Variants in ZNF100 observed in about 807,000 individuals in gnomAD.
The protein encoded by ZNF100 is zinc finger protein 100.
Under a neutral mutation model 15.8 loss-of-function variants are expected in ZNF100, and 12 were observed. That is an observed-to-expected ratio of 0.76 (90% CI 0.49 to 1.23). ZNF100 has a LOEUF of 1.23. Ranked by LOEUF, ZNF100 falls within the 50% of genes most tolerant of loss-of-function variation. The pLI is 0.00. For missense variants in ZNF100, 670 were observed against 635.6 expected (o/e 1.05, Z -0.58); for synonymous variants, 226 against 214.8 (o/e 1.05, Z -0.45).
Position 21,727,095 on chromosome 19 carries a change from C to T in ZNF100, c.1217G>A (p.Cys406Tyr). Reference protein sequence around the residue: ...TGEKFYKCEECGKGFNWSSAL... With the variant: ...TGEKFYKCEEYGKGFNWSSAL... ...TGAGGACCAGTTAAAGCCTTTGCCG[C>T]ATTCTTCACATTTGTAGAATTTCTC... The change falls in exon 5 of 5, where the codon TGC becomes TAC. Residue 406 changes from cysteine (C) to tyrosine (Y), a missense_variant. Coordinates refer to ENST00000358296, the MANE Select transcript of ZNF100 (RefSeq NM_173531.4). 6.2e-7 allele frequency: 1 copy of T among 1,613,540 alleles called. No homozygotes were observed. Among genetic ancestry groups the T allele is most frequent in the South Asian group, 1.1e-5 (1 of 91,048 alleles).
intron 4 of ZNF100, among the ~76,000 whole-genome samples, chr19:21,735,585 C>T (rs2035994905): frequency 6.6e-6 from 1 of 150,666 alleles, no homozygotes; most frequent in South Asian, 2.1e-4. Flanking sequence ...AGAGACCCAT[C>T]TCACATGCAA....
intron 2 of ZNF100, among the ~76,000 whole-genome samples, chr19:21,755,106 A>G (rs894537618): frequency 6.6e-5 from 10 of 152,156 alleles, no homozygotes; most frequent in Admixed American, 5.2e-4. Context: ...TGAGGTCGGG[A>G]GTTCAAGACC....
At chr19:21,740,505 G>A (rs1249432888) in intron 4 of ZNF100, among the ~76,000 whole-genome samples, 1 of 151,800 alleles carries the variant, frequency 6.6e-6, no homozygotes. Flanking sequence ...ACATTCAACT[G>A]TGTAAAAATG....
At chr19:21,764,689 G>A (rs968618209) in intron 2 of ZNF100, among the ~76,000 whole-genome samples, 3 of 150,724 alleles carry the variant, frequency 2.0e-5, no homozygotes, top group African/African-American at 4.9e-5. Context: ...GACAATAAAC[G>A]TATTACTTTA....
At chr19:21,760,014 C>T (rs1350730563) in intron 2 of ZNF100, among the ~76,000 whole-genome samples, 1 of 151,968 alleles carries the variant, frequency 6.6e-6, no homozygotes, top group African/African-American at 2.4e-5. Flanking sequence ...GAAACCCCAT[C>T]TCTACTAAAA....
chr19:21,744,870 C>T, intron 3 of ZNF100, 71 bp downstream of exon 3: 1 of 1,572,574 alleles, frequency 6.4e-7, no homozygotes, highest in South Asian at 1.2e-5. Flanking sequence ...CATGAATTAC[C>T]AAAAATCATT....
Position 21,744,995 on chromosome 19 carries a change from G to A in ZNF100, c.169C>T (p.Gln57Ter). 1 of 1,612,624 alleles carries A rather than the reference G, an allele frequency of 6.2e-7. No homozygotes were observed. Among genetic ancestry groups the A allele is most frequent in the Non-Finnish European group, 8.5e-7 (1 of 1,179,778 alleles). ...EEWQCLDSAQ[Q>*]GLYRKVMLEN... ...AACATCACTTTCCTATACAAACCCT[G>A]CTGAGCACTGTCCAGGCATTGCCAC... Residue 57 changes from glutamine (Q) to a stop codon, truncating the protein, a stop_gained, in exon 3 of 5, where the codon CAG becomes TAG. Coordinates refer to ENST00000358296, the MANE Select transcript of ZNF100 (RefSeq NM_173531.4). LOFTEE classifies it high-confidence loss of function.
At chr19:21,729,855 G>A (rs1380150546) in intron 4 of ZNF100, among the ~76,000 whole-genome samples, 4 of 151,848 alleles carry the variant, frequency 2.6e-5, no homozygotes, top group Non-Finnish European at 5.9e-5. Flanking sequence ...GAGGGGAGAA[G>A]TAATGAGAAA....
chr19:21,760,322 G>A (rs1599407450), intron 2 of ZNF100, among the ~76,000 whole-genome samples: 1 of 151,716 alleles, frequency 6.6e-6, no homozygotes, highest in African/African-American at 2.4e-5. Flanking sequence ...GTGAAACCCC[G>A]TCTCTATTAA....
At chr19:21,733,530 G>A (rs555304668) in intron 4 of ZNF100, among the ~76,000 whole-genome samples, 1 of 152,250 alleles carries the variant, frequency 6.6e-6, no homozygotes, top group Admixed American at 6.5e-5. Flanking sequence ...AAAAATTAAG[G>A]TAGTAACACA....
intron 3 of ZNF100, 123 bp from the exon 4 acceptor site, chr19:21,744,238 G>T: frequency 1.1e-6 from 1 of 899,116 alleles, no homozygotes; most frequent in Admixed American, 3.6e-5. Flanking sequence ...ACTAATTAAT[G>T]AGAGAAATTT....
intron 4 of ZNF100, among the ~76,000 whole-genome samples, chr19:21,742,128 T>A (rs2036120270): frequency 6.6e-6 from 1 of 152,148 alleles, no homozygotes; most frequent in Non-Finnish European, 1.5e-5. Context: ...AAACTCTGTC[T>A]CTTCTAACAA....
At chr19:21,745,418 A>G (rs886219551) in intron 2 of ZNF100, among the ~76,000 whole-genome samples, 1 of 152,208 alleles carries the variant, frequency 6.6e-6, no homozygotes, top group African/African-American at 2.4e-5. Flanking sequence ...TTGAGTTAGA[A>G]GGCACCTCCT....
At position 21,726,818 on chromosome 19, in the gene ZNF100, T is replaced by C. The variant is rs1354907555; in HGVS notation, c.1494A>G (p.Ser498=). ...EECGKAFNRS[S]TLTKHKITHT... ...GAGTTATCTTATGTTTAGTAAGGGT[T>C]GAGGATCGGTTAAAAGCTTTGCCAC... Residue 498 remains serine (S), a synonymous_variant, in exon 5 of 5, where the codon TCA becomes TCG. Transcript: ENST00000358296. 1 of 1,613,842 alleles carries C rather than the reference T, an allele frequency of 6.2e-7. No homozygotes were observed. The highest frequency in any genetic ancestry group is 1.3e-5 in the African/African-American group (1 of 74,920).
intron 3 of ZNF100, among the ~76,000 whole-genome samples, chr19:21,744,602 C>T (rs971150262): frequency 6.6e-6 from 1 of 151,962 alleles, no homozygotes; most frequent in African/African-American, 2.4e-5. Context: ...AAACTCCTGA[C>T]CTCGTGACCC....
At chr19:21,731,709 C>A (rs1273598455) in intron 4 of ZNF100, among the ~76,000 whole-genome samples, 4 of 152,040 alleles carry the variant, frequency 2.6e-5, no homozygotes, top group Admixed American at 6.5e-5. Flanking sequence ...TCTAATAACT[C>A]TAAAAATAAA....
rs1568315706 is a variant in ZNF100, at chr19:21,765,778, C to CG, written c.11dup (p.Arg5GlufsTer17). The CG allele has an allele frequency of 1.9e-6, 3 of 1,613,956 alleles. No individual in the cohort carries two copies. The African/African-American group carries it at 4.0e-5, about 22-fold the overall frequency. ...CCTTGAGAGGACACATTCCATACCTCGGGTCATCCTACGGGAGAAAATAAA... is the reference window on the plus strand; with the variant it reads ...CCTTGAGAGGACACATTCCATACCTCGGGGTCATCCTACGGGAGAAAATAAA... On this transcript the variant is annotated frameshift_variant, in exon 2 of 5. Coordinates refer to ENST00000358296, the MANE Select transcript of ZNF100 (RefSeq NM_173531.4). LOFTEE classifies it high-confidence loss of function.
chr19:21,735,354 C>T (rs1375335445), intron 4 of ZNF100, among the ~76,000 whole-genome samples: 1 of 151,848 alleles, frequency 6.6e-6, no homozygotes, highest in Non-Finnish European at 1.5e-5. Flanking sequence ...ATTAGCAGGG[C>T]GTGGTGGTGG....
At chr19:21,738,653 T>TG (rs144716566) in intron 4 of ZNF100, among the ~76,000 whole-genome samples, 264 of 151,940 alleles carry the variant, frequency 1.7e-3, no homozygotes, top group African/African-American at 5.9e-3. Flanking sequence ...AAAGAGCAAG[T>TG]GTAAGGTGAA....
Sources: gnomAD v4.1 joint callset for allele counts (sites outside exome capture counted in the v4.1 genomes callset) on GRCh38, gnomAD v4.1.1 for gene constraint, MANE v1.5 for transcripts, NCBI Gene and HGNC (gene_info 2026-07-23, HGNC 2026-07-21) for gene names.